Variants in XYLT1 observed in about 807,000 individuals in gnomAD.
XYLT1 encodes beta-D-xylosyltransferase 1.
XYLT1 carries 36 observed loss-of-function variants against 91.3 expected under a neutral mutation model. That is an observed-to-expected ratio of 0.39 (90% CI 0.30 to 0.52). XYLT1 has a LOEUF of 0.52. Ranked by LOEUF, XYLT1 falls within the 20% of genes least tolerant of loss-of-function variation. XYLT1 has a pLI of 0.68. For synonymous variants in XYLT1, 588 were observed against 532.0 expected (o/e 1.11, Z -1.45); for missense variants, 1,242 against 1,284.5 (o/e 0.97, Z 0.51).
At chr16:17,188,880 A>G (rs1029309552) in intron 5 of XYLT1, among the ~76,000 whole-genome samples, 6 of 152,192 alleles carry the variant, frequency 3.9e-5, no homozygotes, top group African/African-American at 1.4e-4. Flanking sequence ...GCAACTTCAC[A>G]CAGCTAGTAA....
At chr16:17,448,972 C>A (rs367678039) in intron 1 of XYLT1, among the ~76,000 whole-genome samples, 1 of 152,176 alleles carries the variant, frequency 6.6e-6, no homozygotes, top group Admixed American at 6.5e-5. Context: ...AGCCAGGCTG[C>A]GAACTCCGGC....
chr16:17,168,094 G>T (rs1410003233), intron 5 of XYLT1, among the ~76,000 whole-genome samples: 3 of 152,132 alleles, frequency 2.0e-5, no homozygotes, highest in Admixed American at 6.5e-5. Flanking sequence ...AAAAGAACTG[G>T]AAAAAAGGCA....
chr16:17,220,690 C>T lies in XYLT1; in HGVS notation c.914-20036G>A, dbSNP rs541147154. 3.3e-5 allele frequency among the ~76,000 whole-genome samples: 5 copies of T among 152,288 alleles called. No individual in the cohort carries two copies. In the South Asian group the frequency reaches 1.0e-3, roughly 32 times the overall value. On this transcript the variant is annotated intron_variant, in intron 3 of 11. Transcript: ENST00000261381. ...ATTTCACCATGTTGGCCAGGCTGGT[C>T]TCAAACTCCTGATCTCAGGTGAGTC...
intron 1 of XYLT1, among the ~76,000 whole-genome samples, chr16:17,414,107 C>CA (rs200212436): frequency 0.011 from 1,694 of 152,208 alleles, 28 homozygotes; most frequent in African/African-American, 0.038. Flanking sequence ...GCCTCCAAAC[C>CA]AAAAAACCAG....
intron 1 of XYLT1, among the ~76,000 whole-genome samples, chr16:17,369,029 A>T (rs983808170): frequency 1.3e-5 from 2 of 151,558 alleles, no homozygotes; most frequent in African/African-American, 4.9e-5. Context: ...GGCCCATTTA[A>T]CCTTAATATC....
chr16:17,458,040 T>C (rs902184467), intron 1 of XYLT1, among the ~76,000 whole-genome samples: 33 of 152,218 alleles, frequency 2.2e-4, no homozygotes, highest in East Asian at 1.7e-3. Context: ...CCTTAAATAA[T>C]GTATACATTA....
In XYLT1 at chr16:17,470,832, C is replaced by T. The variant is rs2036981990; in HGVS notation, c.-36G>A. On this transcript the variant is annotated 5_prime_UTR_variant, in exon 1 of 12. Transcript: ENST00000261381. ...CGGCCGGCGAGCGAGGCGCGGGGAC[C>T]CCGGCACGCTCCGGGCCGCCCCCGC... 4 of 852,680 alleles carry T rather than the reference C, an allele frequency of 4.7e-6. No homozygotes were observed. In the South Asian group the frequency reaches 2.3e-4, roughly 48 times the overall value. 52.8% of individuals were successfully genotyped at this position (852,680 alleles called of 1,614,324 possible). A position where few individuals can be genotyped will look rare whatever the true frequency, so the allele number is the denominator to read the frequency against.
intron 5 of XYLT1, among the ~76,000 whole-genome samples, chr16:17,171,561 G>A (rs2031820257): frequency 6.6e-6 from 1 of 152,238 alleles, no homozygotes; most frequent in Non-Finnish European, 1.5e-5. Flanking sequence ...TCAGAGGGCT[G>A]ATGAGAAATT....
intron 1 of XYLT1, among the ~76,000 whole-genome samples, chr16:17,440,897 C>T (rs1254030164): frequency 5.9e-5 from 9 of 152,044 alleles, no homozygotes; most frequent in Admixed American, 3.3e-4. Flanking sequence ...AGCTAAGTTC[C>T]AACACTTACT....
At chr16:17,232,176 CAA>C (rs922698094) in intron 3 of XYLT1, among the ~76,000 whole-genome samples, 1 of 141,184 alleles carries the variant, frequency 7.1e-6, no homozygotes, top group African/African-American at 2.6e-5. Context: ...ATATATTATA[CAA>C]TATATACTAT....
At chr16:17,425,923 G>A (rs912894027) in intron 1 of XYLT1, among the ~76,000 whole-genome samples, 2 of 151,962 alleles carry the variant, frequency 1.3e-5, no homozygotes, top group African/African-American at 2.4e-5. Flanking sequence ...TTCCTACCTC[G>A]TTTAGCACGT....
At chr16:17,354,116 A>C (rs1343691809) in intron 2 of XYLT1, among the ~76,000 whole-genome samples, 1 of 151,586 alleles carries the variant, frequency 6.6e-6, no homozygotes, top group East Asian at 1.9e-4. Context: ...TTTTTTTTTC[A>C]TTTCTAGGTC....
At chr16:17,205,547 A>C (rs1377920098) in intron 3 of XYLT1, among the ~76,000 whole-genome samples, 3 of 152,248 alleles carry the variant, frequency 2.0e-5, no homozygotes, top group Admixed American at 6.5e-5. Context: ...ATTCACATCC[A>C]GAAGAGAGAG....
chr16:17,294,735 G>A (rs2034284913), intron 2 of XYLT1, among the ~76,000 whole-genome samples: 1 of 152,080 alleles, frequency 6.6e-6, no homozygotes, highest in African/African-American at 2.4e-5. Context: ...TTAGCATCAG[G>A]AACAAAACTT....
intron 2 of XYLT1, among the ~76,000 whole-genome samples, chr16:17,261,241 C>CAAAAA (rs10573500): frequency 3.1e-5 from 3 of 96,420 alleles, no homozygotes; most frequent in Admixed American, 1.1e-4. Flanking sequence ...AACTGGCTCT[C>CAAAAA]AAAAAAAAAA....
chr16:17,175,819 T>C lies in XYLT1; in HGVS notation c.1290-16910A>G, dbSNP rs373912499. ...TATCTGTGCAGGCACCTCCACTTTA[T>C]GTGGAGAAGCAGCTGAGCCAACCTT... On this transcript the variant is annotated intron_variant, in intron 5 of 11. Transcript: ENST00000261381. Among the ~76,000 whole-genome samples the C allele has an allele frequency of 2.6e-3, 396 of 152,302 alleles. 2 individuals are homozygous for C. Among genetic ancestry groups the C allele is most frequent in the African/African-American group, 9.2e-3 (383 of 41,570 alleles).
At chr16:17,442,780 T>G (rs2036546957) in intron 1 of XYLT1, among the ~76,000 whole-genome samples, 1 of 152,222 alleles carries the variant, frequency 6.6e-6, no homozygotes, top group Non-Finnish European at 1.5e-5. Context: ...CTCATTCTTT[T>G]GGAGGAAAGA....
intron 2 of XYLT1, among the ~76,000 whole-genome samples, chr16:17,337,369 G>A (rs1567380803): frequency 6.6e-6 from 1 of 152,130 alleles, no homozygotes; most frequent in Non-Finnish European, 1.5e-5. Flanking sequence ...TTATAGAGAT[G>A]AGAGGGGGTC....
intron 5 of XYLT1, among the ~76,000 whole-genome samples, chr16:17,197,032 G>GATATATATATATATATATATATAT (rs60552078): frequency 1.1e-5 from 1 of 89,910 alleles, no homozygotes; most frequent in African/African-American, 4.9e-5. Flanking sequence ...TATATATATA[G>GATATATATATATATATATATATAT]ATATATATAC....
Sources: gnomAD v4.1 joint callset for allele counts (sites outside exome capture counted in the v4.1 genomes callset) on GRCh38, gnomAD v4.1.1 for gene constraint, MANE v1.5 for transcripts, NCBI Gene and HGNC (gene_info 2026-07-23, HGNC 2026-07-21) for gene names.